AMPH: variants seen among roughly 807,000 people sequenced by gnomAD.
AMPH encodes the protein amphiphysin (Stiff-Mann syndrome with breast cancer 128kD autoantigen).
In AMPH, 49 loss-of-function variants were observed where a neutral mutation model predicts 99.1. The ratio of observed to expected loss-of-function variants is 0.49; its 90% CI spans 0.39 to 0.63. The LOEUF (loss-of-function observed/expected upper bound fraction) is 0.63. AMPH is among the 20% of genes least tolerant of loss of function. AMPH has a pLI of 0.00. For missense variants in AMPH, 759 were observed against 863.4 expected, an observed-to-expected ratio of 0.88 and a Z score of 1.52; for synonymous variants, 314 against 317.3, an observed-to-expected ratio of 0.99 and a Z score of 0.11.
chr7:38,510,749 G>C (rs1289643974), intron 2 of AMPH, among the ~76,000 whole-genome samples: 2 of 152,154 alleles, frequency 1.3e-5, no homozygotes, highest in Non-Finnish European at 2.9e-5. Context: ...GCCCCAGGCT[G>C]TAAAGGATGA....
At chr7:38,510,953 T>A (rs1192144210) in intron 2 of AMPH, among the ~76,000 whole-genome samples, 1 of 152,150 alleles carries the variant, frequency 6.6e-6, no homozygotes, top group Non-Finnish European at 1.5e-5. Flanking sequence ...AGTGGTTAAG[T>A]CTACAGGCTC....
At chr7:38,496,612 G>A (rs959802853) in intron 3 of AMPH, among the ~76,000 whole-genome samples, 1 of 152,118 alleles carries the variant, frequency 6.6e-6, no homozygotes, top group African/African-American at 2.4e-5. Flanking sequence ...TCCAAGCAAG[G>A]GGGGATGCGT....
In AMPH at chr7:38,403,443, C is replaced by T. The variant is rs78322026; in HGVS notation, c.1399-9229G>A. ...GCAGTGGCCAGCTCCTCCAGGTGCA[C>T]TCGGACTCCCCGCAGGCCTGCACTG... On this transcript the variant is annotated intron_variant, in intron 17 of 20. Coordinates refer to ENST00000356264, the MANE Select transcript of AMPH (RefSeq NM_001635.4). 4.3e-3 allele frequency among the ~76,000 whole-genome samples: 649 copies of T among 152,352 alleles called. 2 individuals carry two copies. The highest frequency in any genetic ancestry group is 0.014 in the African/African-American group (597 of 41,566).
At chr7:38,443,169 C>T (rs916732524) in intron 11 of AMPH, among the ~76,000 whole-genome samples, 1 of 151,912 alleles carries the variant, frequency 6.6e-6, no homozygotes, top group Non-Finnish European at 1.5e-5. Context: ...ATACAAAAAT[C>T]TCACTCAAGA....
At position 38,436,479 on chromosome 7, in the gene AMPH, T is replaced by C. The variant is rs566330923; in HGVS notation, c.1018-91A>G. ...TAGCCCATGTATACTCTCTCTAATA[T>C]TATTATTGAGTATCTCCAAAACACA... On this transcript the variant is annotated intron_variant, in intron 11 of 20. Transcript: ENST00000356264. 113 of 941,182 alleles carry C rather than the reference T, an allele frequency of 1.2e-4. 1 individual carries two copies. The Middle Eastern group carries it at 2.5e-3, about 20-fold the overall frequency. 58.3% of individuals were successfully genotyped at this position (941,182 alleles called of 1,614,324 possible).
At chr7:38,577,115 T>G (rs1410246659) in intron 1 of AMPH, among the ~76,000 whole-genome samples, 1 of 152,218 alleles carries the variant, frequency 6.6e-6, no homozygotes, top group East Asian at 1.9e-4. Context: ...TAGATGTTTA[T>G]GTAGCAGGCA....
At chr7:38,479,661 A>G (rs1366435796) in intron 5 of AMPH, among the ~76,000 whole-genome samples, 1 of 143,264 alleles carries the variant, frequency 7.0e-6, no homozygotes, top group Non-Finnish European at 1.5e-5. Flanking sequence ...ACTGTTCTTA[A>G]ATAATACATG....
chr7:38,460,806 C>CAAA (rs1787408936), intron 11 of AMPH, among the ~76,000 whole-genome samples: 2 of 152,226 alleles, frequency 1.3e-5, no homozygotes, highest in East Asian at 3.9e-4. Flanking sequence ...ATTAGGGTGA[C>CAAA]TGTAGTCAGC....
intron 11 of AMPH, among the ~76,000 whole-genome samples, chr7:38,453,286 A>G (rs1787103594): frequency 6.6e-6 from 1 of 152,214 alleles, no homozygotes; most frequent in Non-Finnish European, 1.5e-5. Context: ...CCAGTGAGAT[A>G]TAAGAGGTAT....
intron 2 of AMPH, among the ~76,000 whole-genome samples, chr7:38,521,144 C>A (rs1043466318): frequency 1.3e-5 from 1 of 78,644 alleles, no homozygotes; most frequent in African/African-American, 6.0e-5. Context: ...AGAATTTGCT[C>A]CAAGTCATGT....
chr7:38,489,944 T>C (rs1310547459), intron 5 of AMPH, among the ~76,000 whole-genome samples: 1 of 152,124 alleles, frequency 6.6e-6, no homozygotes, highest in Non-Finnish European at 1.5e-5. Flanking sequence ...TCTCATGTCA[T>C]ATGTTCTTAC....
intron 1 of AMPH, among the ~76,000 whole-genome samples, chr7:38,551,781 C>T (rs987356200): frequency 1.2e-4 from 19 of 152,140 alleles, no homozygotes; most frequent in Non-Finnish European, 2.8e-4. Flanking sequence ...GGCTGCACAT[C>T]CCAGGTAGGC....
intron 2 of AMPH, among the ~76,000 whole-genome samples, chr7:38,515,182 A>C (rs2129031962): frequency 6.6e-6 from 1 of 152,340 alleles, no homozygotes; most frequent in African/African-American, 2.4e-5. Context: ...CAAAGACCTT[A>C]GCTGAGTTGT....
At chr7:38,592,820 C>T (rs540223336) in intron 1 of AMPH, among the ~76,000 whole-genome samples, 10 of 151,984 alleles carry the variant, frequency 6.6e-5, no homozygotes, top group Non-Finnish European at 1.3e-4. Flanking sequence ...CATCTCGGTT[C>T]ACTAATCAAT....
At chr7:38,395,593 T>C (rs1249217009) in intron 17 of AMPH, among the ~76,000 whole-genome samples, 2 of 152,226 alleles carry the variant, frequency 1.3e-5, no homozygotes, top group South Asian at 2.1e-4. Context: ...AGAAAGACTA[T>C]GTTAGAAGAA....
At chr7:38,560,058 T>C (rs1468858458) in intron 1 of AMPH, among the ~76,000 whole-genome samples, 1 of 152,248 alleles carries the variant, frequency 6.6e-6, no homozygotes, top group African/African-American at 2.4e-5. Context: ...TCATTTCCTG[T>C]ATGCAGTCTG....
intron 12 of AMPH, among the ~76,000 whole-genome samples, chr7:38,434,297 C>T (rs923241900): frequency 2.6e-5 from 4 of 152,164 alleles, no homozygotes; most frequent in African/African-American, 9.7e-5. Context: ...AGGCCACACA[C>T]AGTTTCATGA....
At chr7:38,573,117 G>A (rs749798690) in intron 1 of AMPH, among the ~76,000 whole-genome samples, 1 of 152,112 alleles carries the variant, frequency 6.6e-6, no homozygotes, top group East Asian at 1.9e-4. Flanking sequence ...ATTTTCTGCT[G>A]TTGTCAATAT....
At chr7:38,581,245 A>T (rs557224614) in intron 1 of AMPH, among the ~76,000 whole-genome samples, 65 of 152,310 alleles carry the variant, frequency 4.3e-4, no homozygotes, top group African/African-American at 1.5e-3. Context: ...AAAGCAGGAA[A>T]GGGGGGAAAG....
Sources: gnomAD v4.1 joint callset for allele counts (sites outside exome capture counted in the v4.1 genomes callset) on GRCh38, gnomAD v4.1.1 for gene constraint, MANE v1.5 for transcripts, NCBI Gene and HGNC (gene_info 2026-07-23, HGNC 2026-07-21) for gene names.